TDRD12: variants seen among roughly 807,000 people sequenced by gnomAD.
TDRD12 encodes putative ATP-dependent RNA helicase TDRD12.
A neutral mutation model predicts 133.5 loss-of-function variants in TDRD12; 158 were observed. The observed-to-expected ratio is 1.18, with a 90% CI of 1.04 to 1.35. TDRD12 has a LOEUF of 1.35. TDRD12 is among the 40% of genes most tolerant of loss of function. TDRD12 has a pLI of 0.00. For missense variants in TDRD12, 1,443 were observed against 1,321.3 expected (o/e 1.09, Z -1.43); for synonymous variants, 460 against 477.9 (o/e 0.96, Z 0.49).
At chr19:32,777,420 T>C (rs1366126820) in intron 11 of TDRD12, among the ~76,000 whole-genome samples, 191 bp downstream of exon 11, 1 of 152,150 alleles carries the variant, frequency 6.6e-6, no homozygotes, top group Non-Finnish European at 1.5e-5. Flanking sequence ...ATTTTTCTGT[T>C]TAAAGCTTTG....
At chr19:32,778,384 G>A (rs1013624211) in intron 11 of TDRD12, among the ~76,000 whole-genome samples, 3 of 152,096 alleles carry the variant, frequency 2.0e-5, no homozygotes, top group East Asian at 1.9e-4. Context: ...AGGTTTTGCT[G>A]TCACAGTCGT....
chr19:32,720,783 A>C (rs1368808577), intron 1 of TDRD12, among the ~76,000 whole-genome samples: 15 of 14,086 alleles, frequency 1.1e-3, no homozygotes, highest in Admixed American at 1.7e-3. Flanking sequence ...AGCCCACCCC[A>C]CCTCCACTCC....
intron 10 of TDRD12, among the ~76,000 whole-genome samples, chr19:32,776,644 G>T (rs778328695): frequency 1.3e-5 from 2 of 152,180 alleles, no homozygotes; most frequent in Non-Finnish European, 2.9e-5. Context: ...TCTCTCCCCT[G>T]CTGTTGGGGC....
chr19:32,749,719 C>T (rs376536421), intron 5 of TDRD12, 65 bp from the exon 6 acceptor site: 4 of 1,278,902 alleles, frequency 3.1e-6, no homozygotes, highest in Non-Finnish European at 1.1e-6. Flanking sequence ...GGTGGGAAAT[C>T]GTCATGATTG....
chr19:32,811,247 T>C lies in TDRD12; in HGVS notation c.2875T>C (p.Trp959Arg), dbSNP rs186735185. Residue 959 changes from tryptophan to arginine, a missense_variant, in exon 24 of 28, where the codon TGG (tryptophan) becomes CGG (arginine). Trp to Arg is a moderately radical substitution (Grantham distance 101). Coordinates refer to ENST00000444215, the Ensembl canonical transcript of TDRD12. ...GGAAGTGAACCAAAAAGAAGACGCCTGGGCCCTGGATGACATCCTTGTAGA... is the reference window on the plus strand; with the variant it reads ...GGAAGTGAACCAAAAAGAAGACGCCCGGGCCCTGGATGACATCCTTGTAGA... 589 of 1,536,068 alleles carry C rather than the reference T, an allele frequency of 3.8e-4. 5 individuals are homozygous for C. The African/African-American group carries it at 7.4e-3, about 19-fold the overall frequency.
At chr19:32,777,617 CATACTT>C (rs762844970) in intron 11 of TDRD12, among the ~76,000 whole-genome samples, 8 of 151,626 alleles carry the variant, frequency 5.3e-5, no homozygotes, top group Non-Finnish European at 1.0e-4. Context: ...GCCTTGATTT[CATACTT>C]GTGTAATCTG....
In TDRD12 at chr19:32,742,918, A is replaced by G. The variant is rs974188134; in HGVS notation, c.440+18A>G. The G allele has an allele frequency of 9.6e-5, 149 of 1,548,718 alleles. No individual in the cohort carries two copies. Among genetic ancestry groups the G allele is most frequent in the Non-Finnish European group, 1.2e-4 (136 of 1,146,386 alleles). On this transcript the variant is annotated intron_variant, in intron 4 of 27. Transcript: ENST00000444215. ...GACATTGTGTAAGTACAGTTTCTTAAGTCCTTCGAATCATTAGTAAAAGCC... is the reference window on the plus strand; with the variant it reads ...GACATTGTGTAAGTACAGTTTCTTAGGTCCTTCGAATCATTAGTAAAAGCC...
chr19:32,827,285 G>A (rs1967622002), exon 10 of TDRD12: 5 of 1,227,854 alleles, frequency 4.1e-6, no homozygotes, highest in Non-Finnish European at 5.1e-6. Context: ...AAGAGCGGCT[G>A]GAAGATGTTG....
chr19:32,744,415 G>A (rs547821542), intron 4 of TDRD12, among the ~76,000 whole-genome samples: 4 of 137,912 alleles, frequency 2.9e-5, no homozygotes, highest in Admixed American at 8.0e-5. Context: ...CAAGAGAATC[G>A]CTTGAACCCA....
At chr19:32,739,997 T>C (rs1186491014) in intron 3 of TDRD12, among the ~76,000 whole-genome samples, 10 of 107,868 alleles carry the variant, frequency 9.3e-5, no homozygotes, top group East Asian at 3.3e-4. Flanking sequence ...ATCTCCTGGG[T>C]GCTCTCTGCA....
At chr19:32,773,268 G>A (rs926873209) in intron 9 of TDRD12, among the ~76,000 whole-genome samples, 188 bp from the exon 10 acceptor site, 1 of 152,188 alleles carries the variant, frequency 6.6e-6, no homozygotes, top group Non-Finnish European at 1.5e-5. Context: ...GACATTTAAT[G>A]TAGTGGTTAT....
chr19:32,767,232 G>T (rs928420274), intron 8 of TDRD12, among the ~76,000 whole-genome samples: 2 of 151,614 alleles, frequency 1.3e-5, no homozygotes, highest in African/African-American at 2.4e-5. Flanking sequence ...GGGTTCAAGC[G>T]ATTCTCCTGC....
At chr19:32,723,565 T>A (rs532754904) in intron 1 of TDRD12, among the ~76,000 whole-genome samples, 1 of 151,980 alleles carries the variant, frequency 6.6e-6, no homozygotes, top group Admixed American at 6.6e-5. Context: ...AGATAACTCT[T>A]GAAGTCAGGT....
At chr19:32,752,879 A>G (rs1599859679) in intron 6 of TDRD12, among the ~76,000 whole-genome samples, 2 of 133,488 alleles carry the variant, frequency 1.5e-5, no homozygotes, top group East Asian at 2.2e-4. Context: ...TGCAAGCTCC[A>G]CCTCCTGGGT....
intron 2 of TDRD12, among the ~76,000 whole-genome samples, chr19:32,737,597 A>G (rs1326113049): frequency 4.6e-5 from 7 of 151,920 alleles, no homozygotes; most frequent in Non-Finnish European, 1.5e-5. Flanking sequence ...TGGTGCAATC[A>G]TAGCCCACTG....
chr19:32,790,829 T>C (rs2145662387), intron 12 of TDRD12, 135 bp from the exon 13 acceptor site: 1 of 1,361,592 alleles, frequency 7.3e-7, no homozygotes, highest in Non-Finnish European at 9.8e-7. Flanking sequence ...TTTTTTTTTC[T>C]TTTTTTTTAA....
chr19:32,821,234 GAGA>G, exon 28 of TDRD12: 2 of 1,064,736 alleles, frequency 1.9e-6, no homozygotes, highest in Non-Finnish European at 2.7e-6. Context: ...ATGAAATGTA[GAGA>G]AGATGACATA....
chr19:32,781,126 G>T, intron 11 of TDRD12, among the ~76,000 whole-genome samples: 1 of 151,878 alleles, frequency 6.6e-6, no homozygotes, highest in East Asian at 1.9e-4. Flanking sequence ...TGTATTTTTA[G>T]TAGAGACGGG....
chr19:32,739,634 T>TGCTCTCTGCATCTCCTGGTGC (rs1969339822), intron 3 of TDRD12, among the ~76,000 whole-genome samples: 1 of 144,636 alleles, frequency 6.9e-6, no homozygotes, highest in South Asian at 2.3e-4. Context: ...ATCTCCTGGG[T>TGCTCTCTGCATCTCCTGGTGC]GCTCTCTGCA....
Sources: gnomAD v4.1 joint callset for allele counts (sites outside exome capture counted in the v4.1 genomes callset) on GRCh38, gnomAD v4.1.1 for gene constraint, MANE v1.5 for transcripts, NCBI Gene and HGNC (gene_info 2026-07-23, HGNC 2026-07-21) for gene names.